Variants in MEMO1 observed in about 807,000 individuals in gnomAD.
MEMO1 encodes mediator of cell motility 1.
A neutral mutation model predicts 45.2 loss-of-function variants in MEMO1; 6 were observed. The ratio of observed to expected loss-of-function variants is 0.13; its 90% CI spans 0.07 to 0.26. MEMO1 has a LOEUF of 0.26. Ranked by LOEUF, MEMO1 falls within the 10% of genes least tolerant of loss-of-function variation. MEMO1 has a pLI of 1.00. For missense variants in MEMO1, 184 were observed against 370.5 expected (o/e 0.50, Z 4.13); for synonymous variants, 78 against 124.3 (o/e 0.63, Z 2.48).
chr2:31,922,839 AT>A (rs1682517553), intron 4 of MEMO1, among the ~76,000 whole-genome samples: 2 of 152,204 alleles, frequency 1.3e-5, no homozygotes, highest in South Asian at 4.1e-4. Context: ...TACATAGTGT[AT>A]ATATGTACCA....
At chr2:31,921,630 C>A (rs1437768161) in intron 4 of MEMO1, among the ~76,000 whole-genome samples, 1 of 152,196 alleles carries the variant, frequency 6.6e-6, no homozygotes. Context: ...TCTAAAATAA[C>A]CTTCTAAGAT....
intron 2 of MEMO1, among the ~76,000 whole-genome samples, chr2:32,004,830 G>A (rs1673847734): frequency 6.6e-6 from 1 of 151,856 alleles, no homozygotes; most frequent in Non-Finnish European, 1.5e-5. Flanking sequence ...GGGATGCTGA[G>A]GCAGGAGAAC....
At chr2:31,991,586 AAC>A (rs1381759664) in intron 2 of MEMO1, among the ~76,000 whole-genome samples, 4 of 151,858 alleles carry the variant, frequency 2.6e-5, no homozygotes, top group Admixed American at 2.0e-4. Context: ...AAAAAAAAAA[AAC>A]ACAACACACA....
chr2:31,978,599 G>A (rs1670285849), intron 2 of MEMO1, among the ~76,000 whole-genome samples: 1 of 152,128 alleles, frequency 6.6e-6, no homozygotes, highest in South Asian at 2.1e-4. Context: ...TGACCGGCTA[G>A]TTTTTTAATA....
intron 8 of MEMO1, among the ~76,000 whole-genome samples, chr2:31,872,677 A>T (rs1175247376): frequency 6.6e-6 from 1 of 152,188 alleles, no homozygotes; most frequent in Admixed American, 6.5e-5. Flanking sequence ...ACAGAAAATA[A>T]AAAATTGAGA....
intron 6 of MEMO1, among the ~76,000 whole-genome samples, chr2:31,896,133 G>A (rs906768598): frequency 4.0e-4 from 61 of 152,206 alleles, no homozygotes; most frequent in African/African-American, 1.3e-3. Flanking sequence ...GTGAGCCACC[G>A]TGCCTGGCAA....
chr2:31,957,232 T>A (rs890582126), intron 2 of MEMO1, among the ~76,000 whole-genome samples: 5 of 152,164 alleles, frequency 3.3e-5, no homozygotes, highest in Non-Finnish European at 7.4e-5. Flanking sequence ...GTATACTCTT[T>A]CAGATCGTTT....
intron 2 of MEMO1, among the ~76,000 whole-genome samples, chr2:31,943,651 T>C (rs1371688418): frequency 6.6e-6 from 1 of 152,188 alleles, no homozygotes; most frequent in Non-Finnish European, 1.5e-5. Flanking sequence ...ACAATGTGAT[T>C]TACAAGTTGA....
chr2:31,970,397 A>T (rs1417058604), intron 2 of MEMO1, among the ~76,000 whole-genome samples: 1 of 152,214 alleles, frequency 6.6e-6, no homozygotes, highest in Non-Finnish European at 1.5e-5. Flanking sequence ...TTTAAAGGAC[A>T]TAATTCTAAT....
At chr2:31,934,002 C>A (rs1001454139) in intron 3 of MEMO1, among the ~76,000 whole-genome samples, 13 of 152,188 alleles carry the variant, frequency 8.5e-5, no homozygotes, top group African/African-American at 3.1e-4. Flanking sequence ...CTGCTAACAC[C>A]TGGTTCTTGA....
intron 2 of MEMO1, among the ~76,000 whole-genome samples, chr2:31,958,584 T>A (rs974109236): frequency 2.6e-5 from 4 of 152,114 alleles, no homozygotes; most frequent in African/African-American, 9.7e-5. Flanking sequence ...TAATAACCCA[T>A]CAACTAACCT....
chr2:31,900,421 AAC>A (rs1678608347), intron 6 of MEMO1, among the ~76,000 whole-genome samples: 1 of 152,198 alleles, frequency 6.6e-6, no homozygotes, highest in South Asian at 2.1e-4. Flanking sequence ...TCAGCAAACT[AAC>A]ACAGGAACAG....
intron 2 of MEMO1, among the ~76,000 whole-genome samples, chr2:31,969,884 C>T (rs1325931959): frequency 6.6e-6 from 1 of 152,062 alleles, no homozygotes; most frequent in Non-Finnish European, 1.5e-5. Context: ...GCGTGAGCCA[C>T]TGTGCCTGGC....
At chr2:31,869,752 T>C in intron 9 of MEMO1, 96 bp downstream of exon 9, 1 of 1,325,318 alleles carries the variant, frequency 7.5e-7, no homozygotes, top group Non-Finnish European at 1.0e-6. Flanking sequence ...TGACCATAGG[T>C]ACATAAAACC....
chr2:31,967,494 C>A (rs1668775092), intron 2 of MEMO1, among the ~76,000 whole-genome samples: 1 of 151,776 alleles, frequency 6.6e-6, no homozygotes, highest in Non-Finnish European at 1.5e-5. Context: ...TGTCACCTGG[C>A]CTGGAGTGCA....
intron 2 of MEMO1, among the ~76,000 whole-genome samples, chr2:32,008,003 C>A (rs917130785): frequency 1.3e-5 from 2 of 152,168 alleles, no homozygotes; most frequent in African/African-American, 2.4e-5. Flanking sequence ...TGACAATGCA[C>A]ATTACCAAAA....
chr2:31,943,526 T>C, intron 2 of MEMO1, 143 bp from the exon 3 acceptor site: 1 of 673,820 alleles, frequency 1.5e-6, no homozygotes, highest in South Asian at 1.7e-5. Flanking sequence ...TGTTAATGTT[T>C]GAATTTACCA....
intron 6 of MEMO1, among the ~76,000 whole-genome samples, chr2:31,914,238 A>AC (rs781321080): frequency 6.6e-6 from 1 of 152,246 alleles, no homozygotes; most frequent in Non-Finnish European, 1.5e-5. Flanking sequence ...ACCCTACCAA[A>AC]TTTCCAAACT....
intron 6 of MEMO1, among the ~76,000 whole-genome samples, chr2:31,906,724 A>T (rs1679804819): frequency 6.6e-6 from 1 of 152,148 alleles, no homozygotes; most frequent in African/African-American, 2.4e-5. Context: ...AGTATTTTAC[A>T]ACGGCATTCA....
Sources: gnomAD v4.1 joint callset for allele counts (sites outside exome capture counted in the v4.1 genomes callset) on GRCh38, gnomAD v4.1.1 for gene constraint, MANE v1.5 for transcripts, NCBI Gene and HGNC (gene_info 2026-07-23, HGNC 2026-07-21) for gene names.